ADAMTS20: variants seen among roughly 807,000 people sequenced by gnomAD.
The protein encoded by ADAMTS20 is A disintegrin and metalloproteinase with thrombospondin motifs 20.
Under a neutral mutation model 260.1 loss-of-function variants are expected in ADAMTS20, and 225 were observed. The ratio of observed to expected loss-of-function variants is 0.87; its 90% CI spans 0.78 to 0.97. The LOEUF (loss-of-function observed/expected upper bound fraction) is 0.97, where lower values mean the gene tolerates loss of function less well. Ranked by LOEUF, ADAMTS20 falls within the 50% of genes least tolerant of loss-of-function variation. The probability of loss-of-function intolerance (pLI) is 0.00; values close to 1 mark genes in which losing one functional copy is unlikely to be tolerated. For missense variants in ADAMTS20, 2,400 were observed against 2,337.7 expected (o/e 1.03, Z -0.55); for synonymous variants, 802 against 769.5 (o/e 1.04, Z -0.70).
Position 43,490,393 on chromosome 12 carries a change from A to G in ADAMTS20, c.1117+2T>C. On this transcript the variant is annotated splice_donor_variant, in intron 7 of 38. Coordinates refer to ENST00000389420, the MANE Select transcript of ADAMTS20 (RefSeq NM_025003.5). LOFTEE classifies it high-confidence loss of function. ...CTAAACTTAATTGACAAAATAACTT[A>G]CCTAACATGTTACATTTCTCTTTAG... 1.2e-5 allele frequency: 15 copies of G among 1,246,228 alleles called. No individual in the cohort carries two copies. Among genetic ancestry groups the G allele is most frequent in the Non-Finnish European group, 1.5e-5 (14 of 913,976 alleles). The allele number at this position is 1,246,228 out of a possible 1,614,324, so 77.2% of individuals were successfully genotyped here.
At position 43,425,525 on chromosome 12, in the gene ADAMTS20, G is replaced by A. The variant is rs375625902; in HGVS notation, c.4273C>T (p.Pro1425Ser). The A allele has an allele frequency of 1.4e-5, 21 of 1,526,558 alleles. No homozygotes were observed. Among genetic ancestry groups the A allele is most frequent in the Non-Finnish European group, 1.7e-5 (19 of 1,127,948 alleles). 94.6% of individuals were successfully genotyped at this position (1,526,558 alleles called of 1,614,324 possible). The change falls in exon 28 of 39, where the codon CCA becomes TCA. Residue 1425 changes from proline to serine, a missense_variant. Pro to Ser is a moderately conservative substitution (Grantham distance 74, BLOSUM62 -1). Coordinates refer to ENST00000389420, the MANE Select transcript of ADAMTS20 (RefSeq NM_025003.5). Reference sequence around the variant, plus strand: ...GAGTGCTATCATACCGATGTCCATGGTTCCTGATGCCATGACACATCAGCA... The same window carrying A: ...GAGTGCTATCATACCGATGTCCATGATTCCTGATGCCATGACACATCAGCA... The part of the protein sequence containing the change: ...CPADVSWHQE[P>S]WTSCSASCGK...
At chr12:43,463,505 G>A (rs1037448031) in intron 10 of ADAMTS20, among the ~76,000 whole-genome samples, 3 of 152,038 alleles carry the variant, frequency 2.0e-5, no homozygotes, top group Non-Finnish European at 4.4e-5. Context: ...AGTCCACAGA[G>A]AGTCATACGA....
At chr12:43,456,810 C>T (rs992851179) in intron 11 of ADAMTS20, among the ~76,000 whole-genome samples, 27 of 152,068 alleles carry the variant, frequency 1.8e-4, no homozygotes, top group Non-Finnish European at 2.8e-4. Flanking sequence ...GCCAGAGTGG[C>T]GGGGTGAGTA....
At position 43,375,466 on chromosome 12, in the gene ADAMTS20, CTTCCCTTCT is replaced by C; in HGVS notation, c.5350_5358del (p.Arg1784_Glu1786del). 2 of 1,613,386 alleles carry C rather than the reference CTTCCCTTCT, an allele frequency of 1.2e-6. No homozygotes were observed. Among genetic ancestry groups the C allele is most frequent in the Non-Finnish European group, 1.7e-6 (2 of 1,179,426 alleles). ...AAGTGTCCATTGTCACATTCACAGT[CTTCCCTTCT>C]ACTCCCATTAAAAGGACATTGATAT... On this transcript the variant is annotated inframe_deletion, in exon 36 of 39. Transcript: ENST00000389420.
intron 3 of ADAMTS20, among the ~76,000 whole-genome samples, chr12:43,508,421 G>C (rs897631657): frequency 6.6e-6 from 1 of 151,942 alleles, no homozygotes; most frequent in African/African-American, 2.4e-5. Context: ...ACAAATAAAA[G>C]GAACAAAACT....
chr12:43,502,107 G>A, intron 4 of ADAMTS20, 45 bp downstream of exon 4: 1 of 1,476,052 alleles, frequency 6.8e-7, no homozygotes. Flanking sequence ...ATTTCATTAA[G>A]CTAAACATTT....
chr12:43,448,685 AAC>A (rs1941806694), intron 14 of ADAMTS20, among the ~76,000 whole-genome samples: 1 of 152,212 alleles, frequency 6.6e-6, no homozygotes, highest in Non-Finnish European at 1.5e-5. Context: ...AGAAATTATC[AAC>A]AGAGTAAATA....
At chr12:43,385,235 G>T (rs570144072) in intron 29 of ADAMTS20, among the ~76,000 whole-genome samples, 20 of 152,022 alleles carry the variant, frequency 1.3e-4, no homozygotes, top group African/African-American at 4.6e-4. Flanking sequence ...TCATATGTTT[G>T]TTGGCCCCAT....
chr12:43,446,770 G>T, intron 14 of ADAMTS20, 58 bp from the exon 15 acceptor site: 1 of 1,383,076 alleles, frequency 7.2e-7, no homozygotes, highest in South Asian at 1.2e-5. Flanking sequence ...AGAAAAGAGA[G>T]AAGATCCAAA....
At position 43,405,229 on chromosome 12, in the gene ADAMTS20, C is replaced by CAAAAAAAAA. The variant is rs869040570; in HGVS notation, c.4285-6005_4285-5997dup. Reference sequence around the variant, plus strand: ...GTAACAAAATGAGACCTCATCTCTACAAAAAAAAAAAAAAAAAAAAAAAAA... The same window carrying CAAAAAAAAA: ...GTAACAAAATGAGACCTCATCTCTACAAAAAAAAAAAAAAAAAAAAAAAAAAAAAAAAAA... On this transcript the variant is annotated intron_variant, in intron 28 of 38. Coordinates refer to ENST00000389420, the MANE Select transcript of ADAMTS20 (RefSeq NM_025003.5). Among the ~76,000 whole-genome samples, 19 of 52,776 alleles carry CAAAAAAAAA rather than the reference C, an allele frequency of 3.6e-4. 1 individual carries two copies. The highest frequency in any genetic ancestry group is 7.0e-4 in the South Asian group (1 of 1,424). 34.6% of individuals were successfully genotyped at this position (52,776 alleles called of 152,430 possible). A position where few individuals can be genotyped will look rare whatever the true frequency, so the allele number is the denominator to read the frequency against.
intron 29 of ADAMTS20, among the ~76,000 whole-genome samples, chr12:43,389,639 G>C (rs1180406079): frequency 2.6e-5 from 4 of 152,084 alleles, no homozygotes; most frequent in African/African-American, 9.7e-5. Context: ...TGGGGTCATG[G>C]GGGCAGCTCT....
intron 29 of ADAMTS20, among the ~76,000 whole-genome samples, chr12:43,393,611 A>T (rs961672547): frequency 7.9e-5 from 12 of 152,114 alleles, no homozygotes; most frequent in Non-Finnish European, 1.3e-4. Flanking sequence ...ATTATTTAAA[A>T]TGAAAATAGG....
chr12:43,440,715 A>G (rs929098048), intron 16 of ADAMTS20, among the ~76,000 whole-genome samples: 48 of 152,336 alleles, frequency 3.2e-4, no homozygotes, highest in African/African-American at 1.1e-3. Flanking sequence ...GATTAGTTCA[A>G]TCATCCTGGT....
At chr12:43,496,712 A>T (rs1942682224) in intron 4 of ADAMTS20, among the ~76,000 whole-genome samples, 1 of 152,180 alleles carries the variant, frequency 6.6e-6, no homozygotes, top group Admixed American at 6.5e-5. Context: ...TTGGATTAAT[A>T]TTAACCAGGT....
intron 15 of ADAMTS20, among the ~76,000 whole-genome samples, chr12:43,444,640 C>T (rs1288468220): frequency 3.3e-5 from 5 of 152,224 alleles, no homozygotes; most frequent in African/African-American, 1.2e-4. Flanking sequence ...AAAACACTCA[C>T]ATTACATAGT....
chr12:43,375,899 G>A (rs1940214962), intron 35 of ADAMTS20, among the ~76,000 whole-genome samples, 158 bp downstream of exon 35: 1 of 152,158 alleles, frequency 6.6e-6, no homozygotes, highest in African/African-American at 2.4e-5. Context: ...TTTCTGAACA[G>A]GCATTAACAA....
intron 16 of ADAMTS20, among the ~76,000 whole-genome samples, chr12:43,441,535 A>G (rs1941666569): frequency 6.6e-6 from 1 of 152,294 alleles, no homozygotes; most frequent in African/African-American, 2.4e-5. Flanking sequence ...ACTGCATAAT[A>G]GAAATAATAA....
intron 28 of ADAMTS20, among the ~76,000 whole-genome samples, chr12:43,413,554 A>G (rs1941073115): frequency 6.6e-6 from 1 of 152,200 alleles, no homozygotes; most frequent in African/African-American, 2.4e-5. Flanking sequence ...TCTTACTATT[A>G]ATAAGTATCA....
chr12:43,455,087 C>A, intron 11 of ADAMTS20, among the ~76,000 whole-genome samples: 1 of 152,174 alleles, frequency 6.6e-6, no homozygotes, highest in East Asian at 1.9e-4. Context: ...AACCACCATT[C>A]TACTTTCTGT....
Sources: allele counts gnomAD v4.1 joint callset (sites outside exome capture counted in the v4.1 genomes callset), GRCh38; gene constraint gnomAD v4.1.1; transcripts MANE v1.5; gene names NCBI Gene and HGNC (gene_info 2026-07-23, HGNC 2026-07-21).